TDP1: variants seen among roughly 807,000 people sequenced by gnomAD.
TDP1 encodes tyrosyl-DNA phosphodiesterase 1.
In TDP1, 64 loss-of-function variants were observed where a neutral mutation model predicts 81.5. The ratio of observed to expected loss-of-function variants is 0.79; its 90% CI spans 0.64 to 0.97. The LOEUF (loss-of-function observed/expected upper bound fraction) is 0.97, where lower values mean the gene tolerates loss of function less well. Ranked by LOEUF, TDP1 falls within the 50% of genes least tolerant of loss-of-function variation. The pLI is 0.00. For synonymous variants in TDP1, 256 were observed against 264.3 expected (o/e 0.97, Z 0.30); for missense variants, 723 against 743.8 (o/e 0.97, Z 0.33).
intron 14 of TDP1, among the ~76,000 whole-genome samples, chr14:90,014,739 C>T (rs993954482): frequency 6.6e-6 from 1 of 152,100 alleles, no homozygotes; most frequent in African/African-American, 2.4e-5. Context: ...CCCTTGGGGA[C>T]TTGTACATCT....
rs887539358 is a variant in TDP1 at position 89,957,894 on chromosome 14, C to T, written c.-8+1094C>T. ...GAGACCTCCAGCCCTGGGCTGGCTG[C>T]AGGAGGTGCCCTGCCCACTCAGCCT... On this transcript the variant is annotated intron_variant, in intron 2 of 16. Transcript: ENST00000335725. Among the ~76,000 whole-genome samples, 9 of 152,210 alleles carry T rather than the reference C, an allele frequency of 5.9e-5. No individual in the cohort carries two copies. The East Asian group carries it at 1.7e-3, about 29-fold the overall frequency.
At chr14:89,966,104 G>C (rs1349482351) in intron 3 of TDP1, 43 bp from the exon 4 acceptor site, 5 of 1,359,416 alleles carry the variant, frequency 3.7e-6, no homozygotes, top group Non-Finnish European at 5.3e-6. Flanking sequence ...ATGACTAGAG[G>C]ATTTTTGTGA....
At chr14:89,979,688 C>T (rs1160515866) in intron 7 of TDP1, among the ~76,000 whole-genome samples, 1 of 152,108 alleles carries the variant, frequency 6.6e-6, no homozygotes, top group Middle Eastern at 3.2e-3. Context: ...AAAACTGAGG[C>T]TCGGGGACAT....
chr14:90,020,525 C>T (rs1885894291), intron 15 of TDP1, among the ~76,000 whole-genome samples: 1 of 54,722 alleles, frequency 1.8e-5, no homozygotes, highest in African/African-American at 9.9e-5. Context: ...CCCTCCCTCC[C>T]TCCCTTCCTT....
At chr14:90,041,359 A>G (rs1888334794) in intron 16 of TDP1, among the ~76,000 whole-genome samples, 1 of 152,212 alleles carries the variant, frequency 6.6e-6, no homozygotes, top group Non-Finnish European at 1.5e-5. Flanking sequence ...TGTTTAGTTA[A>G]CAAAGAAGTG....
chr14:89,970,919 ACCTT>A (rs1893554099), intron 5 of TDP1: 1 of 246,458 alleles, frequency 4.1e-6, no homozygotes, highest in African/African-American at 2.3e-5. Context: ...GCTCACTGCA[ACCTT>A]CACCTCCCAG....
At chr14:89,978,769 A>G (rs188018561) in intron 7 of TDP1, among the ~76,000 whole-genome samples, 61 of 152,332 alleles carry the variant, frequency 4.0e-4, no homozygotes, top group African/African-American at 1.4e-3. Flanking sequence ...CTTAATTACA[A>G]TCAGCTGCTG....
intron 15 of TDP1, among the ~76,000 whole-genome samples, chr14:90,031,773 C>T (rs1887312754): frequency 6.6e-6 from 1 of 152,168 alleles, no homozygotes; most frequent in Non-Finnish European, 1.5e-5. Context: ...CTGTTCCCTC[C>T]ACCTGCAACA....
At chr14:89,984,261 G>A (rs544115203) in intron 8 of TDP1, 1 of 985,422 alleles carries the variant, frequency 1.0e-6, no homozygotes, top group East Asian at 1.1e-4. Flanking sequence ...GGAGGGATGT[G>A]GGTTGGAAGA....
At chr14:90,024,483 T>A (rs1003715531) in intron 15 of TDP1, among the ~76,000 whole-genome samples, 4 of 152,204 alleles carry the variant, frequency 2.6e-5, no homozygotes, top group African/African-American at 9.7e-5. Context: ...TTCCTAAGTG[T>A]CTGTTAGTTG....
intron 7 of TDP1, among the ~76,000 whole-genome samples, chr14:89,977,154 C>T (rs986789925): frequency 5.3e-5 from 8 of 151,910 alleles, no homozygotes; most frequent in Non-Finnish European, 1.0e-4. Flanking sequence ...GACCCTGTCT[C>T]GAAAACAAAA....
intron 7 of TDP1, among the ~76,000 whole-genome samples, chr14:89,978,579 A>G (rs1332180536): frequency 6.6e-6 from 1 of 152,190 alleles, no homozygotes; most frequent in African/African-American, 2.4e-5. Context: ...ATCCATTTTT[A>G]ACTGTGACCT....
intron 11 of TDP1, 23 bp downstream of exon 11, chr14:89,989,113 G>T (rs762752297): frequency 6.3e-7 from 1 of 1,584,366 alleles, no homozygotes. Context: ...CCTCATTGAG[G>T]TAGTTTACTT....
intron 14 of TDP1, among the ~76,000 whole-genome samples, chr14:89,998,028 A>G (rs1024915140): frequency 3.9e-5 from 6 of 152,150 alleles, no homozygotes; most frequent in African/African-American, 1.4e-4. Context: ...GAAAAAATAG[A>G]ATGATAATTT....
In TDP1 at chr14:89,976,749, C is replaced by G. The variant is rs921274828; in HGVS notation, c.791+934C>G. ...ACGGGGTTTCACCATGTTTGCCAGGCTGGTCTCAAACTCCTGACCTCAGGT... is the reference window on the plus strand; with the variant it reads ...ACGGGGTTTCACCATGTTTGCCAGGGTGGTCTCAAACTCCTGACCTCAGGT... On this transcript the variant is annotated intron_variant, in intron 7 of 16. Transcript: ENST00000335725. 1.1e-4 allele frequency among the ~76,000 whole-genome samples: 17 copies of G among 150,304 alleles called. No homozygotes were observed. The East Asian group carries it at 3.3e-3, about 30-fold the overall frequency.
intron 13 of TDP1, 23 bp downstream of exon 13, chr14:89,992,006 TG>T: frequency 6.3e-7 from 1 of 1,598,726 alleles, no homozygotes; most frequent in Non-Finnish European, 8.6e-7. Flanking sequence ...TTTAGACTGC[TG>T]CTATTGCTTC....
intron 6 of TDP1, among the ~76,000 whole-genome samples, chr14:89,973,688 T>A (rs1893914185): frequency 6.6e-6 from 1 of 152,130 alleles, no homozygotes; most frequent in Non-Finnish European, 1.5e-5. Context: ...CAGAGTCACA[T>A]TGCCTGGGCT....
intron 16 of TDP1, 102 bp from the exon 17 acceptor site, chr14:90,042,968 C>T (rs972267991): frequency 6.3e-7 from 1 of 1,591,716 alleles, no homozygotes; most frequent in Non-Finnish European, 8.5e-7. Context: ...TACTCTACCA[C>T]AGTTTAGAGA....
intron 15 of TDP1, among the ~76,000 whole-genome samples, chr14:90,027,797 A>C (rs1886838235): frequency 6.6e-6 from 1 of 152,210 alleles, no homozygotes. Context: ...AATGTAACTC[A>C]TAGGATCTCA....
Sources: allele counts gnomAD v4.1 joint callset (sites outside exome capture counted in the v4.1 genomes callset), GRCh38; gene constraint gnomAD v4.1.1; transcripts MANE v1.5; gene names NCBI Gene and HGNC (gene_info 2026-07-23, HGNC 2026-07-21).